Variants in DMGDH observed in about 807,000 individuals in gnomAD.
The protein encoded by DMGDH is dimethylglycine dehydrogenase, mitochondrial.
Under a neutral mutation model 95.2 loss-of-function variants are expected in DMGDH, and 76 were observed. The observed-to-expected ratio is 0.80, with a 90% confidence interval of 0.66 to 0.97. DMGDH has a LOEUF of 0.97. DMGDH is among the 50% of genes least tolerant of loss of function. The pLI is 0.00. For missense variants in DMGDH, 987 were observed against 1,055.0 expected, an observed-to-expected ratio of 0.94 and a Z score of 0.89; for synonymous variants, 345 against 377.6, an observed-to-expected ratio of 0.91 and a Z score of 1.00.
At chr5:79,032,651 G>A (rs908714136) in intron 9 of DMGDH, 36 bp downstream of exon 9, 15 of 1,613,710 alleles carry the variant, frequency 9.3e-6, no homozygotes, top group African/African-American at 4.0e-5. Flanking sequence ...TTCACCCCTC[G>A]GTCAGAACCA....
chr5:79,019,861 G>C (rs1042445752), intron 14 of DMGDH, among the ~76,000 whole-genome samples: 1 of 152,126 alleles, frequency 6.6e-6, no homozygotes, highest in Non-Finnish European at 1.5e-5. Context: ...CTCCAGCCTG[G>C]GCAATAGGGC....
At chr5:78,999,228 C>G (rs182952715) in intron 15 of DMGDH, among the ~76,000 whole-genome samples, 20 of 152,226 alleles carry the variant, frequency 1.3e-4, no homozygotes, top group African/African-American at 4.6e-4. Context: ...TAGATGCTAA[C>G]ACATTCATGA....
Position 79,000,568 on chromosome 5 carries a change from G to A in DMGDH, c.2386-2271C>T, listed in dbSNP as rs571638460. 399 of 598,770 alleles carry A rather than the reference G, an allele frequency of 6.7e-4. 6 individuals are homozygous for A. The highest frequency in any genetic ancestry group is 5.5e-3 in the South Asian group (373 of 68,252). 37.1% of individuals were successfully genotyped at this position (598,770 alleles called of 1,614,324 possible). ...ATTTTCACTGATATCAAAATCCAGT[G>A]CTGTCACCGAACTTTCTGGCTGACA... On this transcript the variant is annotated intron_variant, in intron 15 of 15. Coordinates refer to ENST00000255189, the MANE Select transcript of DMGDH (RefSeq NM_013391.3).
chr5:79,041,306 C>T (rs1754500495), intron 7 of DMGDH, among the ~76,000 whole-genome samples: 1 of 152,112 alleles, frequency 6.6e-6, no homozygotes, highest in Non-Finnish European at 1.5e-5. Flanking sequence ...AGGCCTGGCA[C>T]AGAGCTAGCA....
rs116250774 is a variant in DMGDH at position 79,010,784 on chromosome 5, T to C, written c.2251-5377A>G. On this transcript the variant is annotated intron_variant, in intron 14 of 15. Coordinates refer to ENST00000255189, the MANE Select transcript of DMGDH (RefSeq NM_013391.3). ...CATCCTCTGTCCCAGTAAAGCTTCC[T>C]TGGGAATCAGGCACAGCACTGGTTG... Among the ~76,000 whole-genome samples, 942 of 152,334 alleles carry C rather than the reference T, an allele frequency of 6.2e-3. 6 individuals are homozygous for C. The highest frequency in any genetic ancestry group is 0.021 in the African/African-American group (878 of 41,580).
At chr5:79,020,446 T>A (rs1008057316) in intron 14 of DMGDH, among the ~76,000 whole-genome samples, 3 of 152,198 alleles carry the variant, frequency 2.0e-5, no homozygotes, top group African/African-American at 7.2e-5. Context: ...CTGTGAACAA[T>A]GGTTTGATTC....
At chr5:79,050,292 A>G (rs975627736) in intron 5 of DMGDH, among the ~76,000 whole-genome samples, 1 of 132,094 alleles carries the variant, frequency 7.6e-6, no homozygotes, top group African/African-American at 2.7e-5. Context: ...ATATATATAT[A>G]TATATATATA....
At chr5:79,049,340 C>A (rs17823774) in intron 5 of DMGDH, among the ~76,000 whole-genome samples, 13 of 152,220 alleles carry the variant, frequency 8.5e-5, no homozygotes, top group Non-Finnish European at 1.8e-4. Flanking sequence ...GAAAACAATG[C>A]ATAAATGTGT....
intron 1 of DMGDH, 148 bp downstream of exon 1, chr5:79,069,372 C>G: frequency 2.4e-6 from 1 of 425,174 alleles, no homozygotes; most frequent in South Asian, 1.3e-4. Context: ...TACTGTTTCA[C>G]TTTATAATTA....
At chr5:79,005,706 T>C (rs1304947842) in intron 14 of DMGDH, among the ~76,000 whole-genome samples, 1 of 152,194 alleles carries the variant, frequency 6.6e-6, no homozygotes, top group Non-Finnish European at 1.5e-5. Context: ...ATTATGAAAG[T>C]GACCCTTGTG....
intron 2 of DMGDH, 148 bp from the exon 3 acceptor site, chr5:79,056,056 T>C (rs1204639558): frequency 3.1e-6 from 2 of 649,934 alleles, no homozygotes; most frequent in African/African-American, 1.8e-5. Context: ...CAGCACCAGT[T>C]TGAGCACACC....
At chr5:79,007,866 C>T (rs1457904628) in intron 14 of DMGDH, among the ~76,000 whole-genome samples, 5 of 152,140 alleles carry the variant, frequency 3.3e-5, no homozygotes, top group East Asian at 3.8e-4. Flanking sequence ...TGTTAGGCAG[C>T]GGGTATTCAG....
chr5:79,024,304 T>G lies in DMGDH; in HGVS notation c.2217A>C (p.Glu739Asp). The G allele has an allele frequency of 6.2e-7, 1 of 1,613,666 alleles. No homozygotes were observed. Among genetic ancestry groups the G allele is most frequent in the Non-Finnish European group, 8.5e-7 (1 of 1,179,734 alleles). Residue 739 changes from glutamate to aspartate, a missense_variant, in exon 14 of 16, where the codon GAA becomes GAC. Glu to Asp is a conservative substitution (Grantham distance 45, BLOSUM62 2). Transcript: ENST00000255189. ...LEMNCDTNPL[E>D]AGLEYFVKLN... ...ACTTCACAAAATATTCCAGTCCAGC[T>G]TCCAAAGGATTTGTATCACAGTTCA...
chr5:79,048,496 C>A (rs1357563086), intron 5 of DMGDH, among the ~76,000 whole-genome samples: 1 of 152,134 alleles, frequency 6.6e-6, no homozygotes, highest in Non-Finnish European at 1.5e-5. Flanking sequence ...GGTCTGAGGG[C>A]CTTGCCTGAA....
At position 79,031,677 on chromosome 5, in the gene DMGDH, C is replaced by G. The variant is rs180955699; in HGVS notation, c.1518-679G>C. Among the ~76,000 whole-genome samples, 19 of 152,356 alleles carry G rather than the reference C, an allele frequency of 1.2e-4. No individual in the cohort carries two copies. The East Asian group carries it at 2.9e-3, about 23-fold the overall frequency. The stretch of plus-strand genomic sequence containing the variant: ...CAGACCTGGAACAAAGGTCTCTTGA[C>G]TCATTACTAAAGGTCCTTTCTGCTT... On this transcript the variant is annotated intron_variant, in intron 9 of 15. Transcript: ENST00000255189.
intron 14 of DMGDH, among the ~76,000 whole-genome samples, chr5:79,008,702 G>A (rs923073482): frequency 6.6e-6 from 1 of 151,976 alleles, no homozygotes; most frequent in Non-Finnish European, 1.5e-5. Flanking sequence ...AGGAACATCA[G>A]GTATTAGCTA....
chr5:79,026,476 T>C lies in DMGDH; in HGVS notation c.2138A>G (p.Tyr713Cys). Residue 713 changes from tyrosine (Y) to cysteine (C), a missense_variant, in exon 13 of 16, where the codon TAT becomes TGT. By Grantham distance (194) the Tyr-to-Cys change is radical. Coordinates refer to ENST00000255189, the MANE Select transcript of DMGDH (RefSeq NM_013391.3). The stretch of plus-strand genomic sequence containing the variant: ...CTCCAGGCGTAAGGCATTCATGGCA[T>C]AGGTTCCAAAATTGTCGATTCCCTC... Reference protein sequence around the residue: ...QEEGIDNFGTYAMNALRLEKA... With the variant: ...QEEGIDNFGTCAMNALRLEKA... 1 of 1,614,152 alleles carries C rather than the reference T, an allele frequency of 6.2e-7. No individual in the cohort carries two copies. Among genetic ancestry groups the C allele is most frequent in the Non-Finnish European group, 8.5e-7 (1 of 1,180,018 alleles).
At chr5:79,043,653 A>T (rs1425982604) in intron 6 of DMGDH, among the ~76,000 whole-genome samples, 2 of 152,186 alleles carry the variant, frequency 1.3e-5, no homozygotes, top group Non-Finnish European at 2.9e-5. Flanking sequence ...CTTTTTATAG[A>T]TTAAAAGCTG....
chr5:79,058,599 T>C (rs1470512401), intron 2 of DMGDH, among the ~76,000 whole-genome samples: 1 of 152,046 alleles, frequency 6.6e-6, no homozygotes, highest in Non-Finnish European at 1.5e-5. Flanking sequence ...GTCACAGAAG[T>C]CATAGGAAAG....
Sources: allele counts gnomAD v4.1 joint callset (sites outside exome capture counted in the v4.1 genomes callset), GRCh38; gene constraint gnomAD v4.1.1; transcripts MANE v1.5; gene names NCBI Gene and HGNC (gene_info 2026-07-23, HGNC 2026-07-21).